Variants in SETMAR observed in about 807,000 individuals in gnomAD.
The protein encoded by SETMAR is histone-lysine N-methyltransferase SETMAR.
A neutral mutation model predicts 58.4 loss-of-function variants in SETMAR; 44 were observed. That is an observed-to-expected ratio of 0.75 (90% CI 0.59 to 0.97). The LOEUF (loss-of-function observed/expected upper bound fraction) is 0.97, where lower values mean the gene tolerates loss of function less well. Ranked by LOEUF, SETMAR falls within the 50% of genes least tolerant of loss-of-function variation. The pLI, the probability that SETMAR is intolerant of heterozygous loss-of-function variation, is 0.00. For missense variants in SETMAR, 903 were observed against 840.2 expected (o/e 1.07, Z -0.92); for synonymous variants, 332 against 307.4 (o/e 1.08, Z -0.84).
chr3:4,313,663 G>T lies in SETMAR; in HGVS notation c.922G>T (p.Val308Leu), dbSNP rs141194209. 6.8e-6 allele frequency: 11 copies of T among 1,613,960 alleles called. No homozygotes were observed. Among genetic ancestry groups the T allele is most frequent in the Non-Finnish European group, 9.3e-6 (11 of 1,179,932 alleles). The change falls in exon 2 of 3, where the codon GTA becomes TTA. Residue 308 changes from valine (V) to leucine (L), a missense_variant. Coordinates refer to ENST00000358065, the MANE Select transcript of SETMAR (RefSeq NM_006515.4). ...TTTTGACAGTTCTCTGTACTGCCCC[G>T]TAGAAAAGTCGAACATCAGTTGTGG... Reference protein sequence around the residue: ...LPFDSSLYCPVEKSNISCGNE... With the variant: ...LPFDSSLYCPLEKSNISCGNE...
At chr3:4,306,389 C>T (rs181371360) in intron 1 of SETMAR, among the ~76,000 whole-genome samples, 21 of 151,874 alleles carry the variant, frequency 1.4e-4, no homozygotes, top group African/African-American at 4.6e-4. Context: ...AAAATAAATA[C>T]GTCTATTTTT....
In SETMAR at chr3:4,316,421, A is replaced by C. The variant is rs1319052503; in HGVS notation, c.1230A>C (p.Ser410=). The C allele has an allele frequency of 6.3e-7, 1 of 1,590,534 alleles. No individual in the cohort carries two copies. Among genetic ancestry groups the C allele is most frequent in the Non-Finnish European group, 8.6e-7 (1 of 1,168,456 alleles). The change falls in exon 3 of 3, where the codon TCA becomes TCC. Residue 410 remains serine, a synonymous_variant. Coordinates refer to ENST00000358065, the MANE Select transcript of SETMAR (RefSeq NM_006515.4). ...ATGAGGAGCGTAGTGGCCGGCCATC[A>C]GAAGTTGACAACGACCAGTTGAGAG... ...LEDEERSGRP[S]EVDNDQLRAI...
intron 1 of SETMAR, among the ~76,000 whole-genome samples, chr3:4,307,774 C>A (rs1175960200): frequency 6.6e-6 from 1 of 152,196 alleles, no homozygotes; most frequent in Non-Finnish European, 1.5e-5. Flanking sequence ...TGGTGGCTCA[C>A]TCCCATAATC....
At chr3:4,309,960 G>C (rs1277451970) in intron 1 of SETMAR, among the ~76,000 whole-genome samples, 6 of 152,186 alleles carry the variant, frequency 3.9e-5, no homozygotes. Flanking sequence ...CAGAAACCTA[G>C]ATGGTATAGC....
At chr3:4,304,662 A>T (rs1322046379) in intron 1 of SETMAR, among the ~76,000 whole-genome samples, 1 of 152,232 alleles carries the variant, frequency 6.6e-6, no homozygotes, top group African/African-American at 2.4e-5. Context: ...ATTATCAACA[A>T]TGAACCCTAT....
chr3:4,303,398 C>A lies in SETMAR; in HGVS notation c.28C>A (p.Arg10=). 1.9e-6 allele frequency: 3 copies of A among 1,559,776 alleles called. No homozygotes were observed. The highest frequency in any genetic ancestry group is 2.6e-6 in the Non-Finnish European group (3 of 1,156,774). ...GTTCGCGGAAGCGGCAAAGACGACACGGCCTTGTGGGATGGCGGAGTTTAA... is the reference window on the plus strand; with the variant it reads ...GTTCGCGGAAGCGGCAAAGACGACAAGGCCTTGTGGGATGGCGGAGTTTAA... The part of the protein sequence containing the change: MFAEAAKTT[R]PCGMAEFKEK... The change falls in exon 1 of 3, where the codon CGG becomes AGG. Residue 10 remains arginine (R), a synonymous_variant. Transcript: ENST00000358065.
At chr3:4,308,803 T>C (rs539238810) in intron 1 of SETMAR, among the ~76,000 whole-genome samples, 1 of 152,360 alleles carries the variant, frequency 6.6e-6, no homozygotes, top group African/African-American at 2.4e-5. Flanking sequence ...TCTTTGTTCA[T>C]TGACCATTTA....
In SETMAR at chr3:4,313,610, G is replaced by A. The variant is rs1168581220; in HGVS notation, c.869G>A (p.Gly290Asp). 2 of 1,614,098 alleles carry A rather than the reference G, an allele frequency of 1.2e-6. No individual in the cohort carries two copies. ...AAACTAAGGAAACCTTGTTACTGTG[G>A]TGCCAAATCATGTACTGCTTTCCTG... ...HGKLRKPCYC[G>D]AKSCTAFLPF... Residue 290 changes from glycine to aspartate, a missense_variant, in exon 2 of 3, where the codon GGT becomes GAT. By Grantham distance (94) the Gly-to-Asp change is moderately conservative. Transcript: ENST00000358065.
At chr3:4,316,084 T>G in intron 2 of SETMAR, 128 bp from the exon 3 acceptor site, 1 of 529,158 alleles carries the variant, frequency 1.9e-6, no homozygotes, top group Non-Finnish European at 3.4e-6. Context: ...AGTTTTTGCA[T>G]TGTTGGAATT....
Position 4,316,299 on chromosome 3 carries a change from C to A in SETMAR, c.1108C>A (p.Arg370Ser). 1 of 1,083,000 alleles carries A rather than the reference C, an allele frequency of 9.2e-7. No homozygotes were observed. The highest frequency in any genetic ancestry group is 1.4e-6 in the Non-Finnish European group (1 of 733,362). The allele number at this position is 1,083,000 out of a possible 1,614,324, so 67.1% of individuals were successfully genotyped here. ...KMGRKAAETTRNINNAFGPGT... is the reference protein window; with the variant it reads ...KMGRKAAETTSNINNAFGPGT... ...GGGTCGTAAAGCAGCAGAAACAACT[C>A]GCAACATCAACAATGCATTTGGCCC... Residue 370 changes from arginine to serine, a missense_variant, in exon 3 of 3, where the codon CGC becomes AGC. Transcript: ENST00000358065.
At position 4,303,439 on chromosome 3, in the gene SETMAR, C is replaced by G; in HGVS notation, c.69C>G (p.Ala23=). The G allele has an allele frequency of 6.4e-7, 1 of 1,550,968 alleles. No individual in the cohort carries two copies. The highest frequency in any genetic ancestry group is 8.7e-7 in the Non-Finnish European group (1 of 1,153,854). The change falls in exon 1 of 3, where the codon GCC becomes GCG. Residue 23 remains alanine, a synonymous_variant. Transcript: ENST00000358065. The part of the protein sequence containing the change: ...GMAEFKEKPE[A]PTEQLDVACG... ...CGGAGTTTAAGGAGAAGCCTGAGGC[C>G]CCGACTGAGCAGCTGGATGTCGCGT...
intron 1 of SETMAR, among the ~76,000 whole-genome samples, chr3:4,306,553 C>G (rs1020331737): frequency 1.3e-5 from 2 of 152,104 alleles, no homozygotes; most frequent in Non-Finnish European, 2.9e-5. Context: ...GTTAGAGTTA[C>G]AAAAATAAGA....
chr3:4,307,001 A>G (rs752094070), intron 1 of SETMAR, among the ~76,000 whole-genome samples: 10 of 152,242 alleles, frequency 6.6e-5, no homozygotes, highest in Non-Finnish European at 1.5e-4. Flanking sequence ...TTAGATCTCA[A>G]CAGGCCTTGA....
chr3:4,313,017 T>C lies in SETMAR; in HGVS notation c.276T>C (p.His92=). The C allele has an allele frequency of 6.2e-7, 1 of 1,613,862 alleles. No individual in the cohort carries two copies. The highest frequency in any genetic ancestry group is 8.5e-7 in the Non-Finnish European group (1 of 1,179,850). ...CLPGTCSCLR[H]GENYDDNSCL... The stretch of plus-strand genomic sequence containing the variant: ...CTGGCACTTGCTCCTGTCTCCGCCA[T>C]GGAGAGAACTATGATGATAACTCAT... The change falls in exon 2 of 3, where the codon CAT becomes CAC. Residue 92 remains histidine (H), a synonymous_variant. Coordinates refer to ENST00000358065, the MANE Select transcript of SETMAR (RefSeq NM_006515.4).
Position 4,313,294 on chromosome 3 carries a change from C to A in SETMAR, c.553C>A (p.Gln185Lys). 1.2e-6 allele frequency: 2 copies of A among 1,613,906 alleles called. No individual in the cohort carries two copies. The highest frequency in any genetic ancestry group is 1.3e-5 in the African/African-American group (1 of 75,018). Residue 185 changes from glutamine to lysine, a missense_variant, in exon 2 of 3, where the codon CAA becomes AAA. Coordinates refer to ENST00000358065, the MANE Select transcript of SETMAR (RefSeq NM_006515.4). ...TGAAGTTCAGAGAAGAATTCACTTA[C>A]AAACAAAATCCGACTCCAATTACAT... ...FSEVQRRIHL[Q>K]TKSDSNYIIA...
intron 2 of SETMAR, 154 bp downstream of exon 2, chr3:4,313,915 A>G: frequency 7.4e-7 from 1 of 1,355,586 alleles, no homozygotes; most frequent in African/African-American, 1.5e-5. Context: ...TCTGTAATAG[A>G]ATTCTCCATT....
chr3:4,307,226 G>A (rs140757395), intron 1 of SETMAR, among the ~76,000 whole-genome samples: 172 of 152,266 alleles, frequency 1.1e-3, no homozygotes, highest in South Asian at 2.3e-3. Flanking sequence ...TCTTCAGTAC[G>A]GAATGTGATT....
rs372022724 is a variant in SETMAR, at chr3:4,316,908, C to A, written c.1717C>A (p.Leu573Met). The change falls in exon 3 of 3, where the codon CTG (leucine) becomes ATG (methionine). Residue 573 changes from leucine (L) to methionine (M), a missense_variant. Physicochemically the swap from Leu to Met is conservative, Grantham distance 15. Coordinates refer to ENST00000358065, the MANE Select transcript of SETMAR (RefSeq NM_006515.4). Reference sequence around the variant, plus strand: ...TGAGATGAACCAAAAACTGCAACGCCTGCAGCTGGCATTGGTCAACAGAAA... The same window carrying A: ...TGAGATGAACCAAAAACTGCAACGCATGCAGCTGGCATTGGTCAACAGAAA... The part of the protein sequence containing the change: ...IDEMNQKLQR[L>M]QLALVNRKGP... The A allele has an allele frequency of 6.5e-7, 1 of 1,549,414 alleles. No homozygotes were observed.
In SETMAR at chr3:4,309,242, C is replaced by G. The variant is rs1165484959; in HGVS notation, c.157-3656C>G. Among the ~76,000 whole-genome samples the G allele has an allele frequency of 2.6e-5, 4 of 152,132 alleles. No individual in the cohort carries two copies. In the South Asian group the frequency reaches 8.3e-4, roughly 32 times the overall value. On this transcript the variant is annotated intron_variant, in intron 1 of 2. Coordinates refer to ENST00000358065, the MANE Select transcript of SETMAR (RefSeq NM_006515.4). ...TTTTATCAGACTTAAAGAGTCTGTT[C>G]TATCAGTAATTCCAAAAGGGAAGAG...
Sources: allele counts gnomAD v4.1 joint callset (sites outside exome capture counted in the v4.1 genomes callset), GRCh38; gene constraint gnomAD v4.1.1; transcripts MANE v1.5; gene names NCBI Gene and HGNC (gene_info 2026-07-23, HGNC 2026-07-21).